Variants in ADAM7 observed in about 807,000 individuals in gnomAD.
ADAM7 encodes ADAM metallopeptidase domain 7, also known as disintegrin and metalloproteinase domain-containing protein 7.
Under a neutral mutation model 102.9 loss-of-function variants are expected in ADAM7, and 97 were observed. That is an observed-to-expected ratio of 0.94 (90% confidence interval 0.80 to 1.12). The LOEUF (loss-of-function observed/expected upper bound fraction) is 1.12, where lower values mean the gene tolerates loss of function less well. Ranked by LOEUF, ADAM7 falls within the 50% of genes most tolerant of loss-of-function variation. The pLI is 0.00. For missense variants in ADAM7, 991 were observed against 908.7 expected (o/e 1.09, Z -1.16); for synonymous variants, 334 against 304.4 (o/e 1.10, Z -1.01).
intron 20 of ADAM7, among the ~76,000 whole-genome samples, chr8:24,505,505 T>C (rs1355267492): frequency 1.3e-5 from 2 of 152,198 alleles, no homozygotes; most frequent in Non-Finnish European, 2.9e-5. Flanking sequence ...TTATAAACAA[T>C]AATGATTTAA....
chr8:24,498,437 A>G (rs1820633877), intron 16 of ADAM7, among the ~76,000 whole-genome samples: 1 of 151,560 alleles, frequency 6.6e-6, no homozygotes, highest in African/African-American at 2.4e-5. Flanking sequence ...ATTAGCATAT[A>G]TAGCTTTCAA....
At chr8:24,462,700 A>C (rs1178348897) in intron 3 of ADAM7, among the ~76,000 whole-genome samples, 1 of 152,216 alleles carries the variant, frequency 6.6e-6, no homozygotes, top group Non-Finnish European at 1.5e-5. Flanking sequence ...CCATAGGAGG[A>C]ATGAAATGCT....
chr8:24,450,723 G>C (rs1818750893), intron 3 of ADAM7, among the ~76,000 whole-genome samples: 2 of 151,290 alleles, frequency 1.3e-5, no homozygotes, highest in African/African-American at 4.9e-5. Flanking sequence ...TCCCTGTCTT[G>C]TGCCAGTTTT....
At chr8:24,442,700 G>T (rs1290601287) in intron 2 of ADAM7, 124 bp downstream of exon 2, 1 of 742,512 alleles carries the variant, frequency 1.3e-6, no homozygotes, top group African/African-American at 1.7e-5. Context: ...ACTCCCATTC[G>T]GCATACACCA....
At chr8:24,462,111 G>T (rs1819264345) in intron 3 of ADAM7, among the ~76,000 whole-genome samples, 1 of 152,188 alleles carries the variant, frequency 6.6e-6, no homozygotes, top group African/African-American at 2.4e-5. Flanking sequence ...TTCTGCTGAA[G>T]AGTTCTCATA....
intron 16 of ADAM7, among the ~76,000 whole-genome samples, chr8:24,498,268 TACTC>T (rs531727796): frequency 6.6e-6 from 1 of 151,870 alleles, no homozygotes; most frequent in East Asian, 1.9e-4. Flanking sequence ...GTATCTGATT[TACTC>T]AATCAAAAAC....
chr8:24,452,328 G>T (rs868480374), intron 3 of ADAM7, among the ~76,000 whole-genome samples: 6 of 149,572 alleles, frequency 4.0e-5, no homozygotes, highest in Non-Finnish European at 6.0e-5. Flanking sequence ...ACGAATCTGG[G>T]TGCTCCTGTA....
At chr8:24,487,957 C>T (rs1396129861) in intron 11 of ADAM7, among the ~76,000 whole-genome samples, 1 of 152,158 alleles carries the variant, frequency 6.6e-6, no homozygotes, top group Non-Finnish European at 1.5e-5. Context: ...TTTCTATAAG[C>T]TATAATGTCT....
intron 2 of ADAM7, among the ~76,000 whole-genome samples, chr8:24,446,622 C>T (rs1257751475): frequency 6.6e-6 from 1 of 151,674 alleles, no homozygotes; most frequent in Admixed American, 6.6e-5. Context: ...AAGACACATA[C>T]TATAAAAAAT....
At chr8:24,489,405 A>G (rs1365572633) in intron 12 of ADAM7, 72 bp downstream of exon 12, 5 of 1,418,778 alleles carry the variant, frequency 3.5e-6, no homozygotes, top group African/African-American at 1.4e-5. Flanking sequence ...GGATGTGGCC[A>G]TTAATCAAAC....
rs1820109180 is a variant in ADAM7, at chr8:24,485,460, A to G, written c.960+99A>G. 3.0e-6 allele frequency: 3 copies of G among 983,840 alleles called. No individual in the cohort carries two copies. In the African/African-American group the frequency reaches 5.0e-5, roughly 16 times the overall value. The allele number at this position is 983,840 out of a possible 1,614,324, so 60.9% of individuals were successfully genotyped here. A position where few individuals can be genotyped will look rare whatever the true frequency, so the allele number is the denominator to read the frequency against. Reference sequence around the variant, plus strand: ...AGAGACTATGTATGCATTTTGTCATATATACTCACTAAGATATGTCATGAA... The same window carrying G: ...AGAGACTATGTATGCATTTTGTCATGTATACTCACTAAGATATGTCATGAA... On this transcript the variant is annotated intron_variant, in intron 10 of 21. Transcript: ENST00000175238.
Position 24,441,039 on chromosome 8 carries a change from A to G in ADAM7, c.-70A>G. ...GTGAGGTGCTTCATCCCTGCAGTGG[A>G]AGTGAGGAGGAAGAAAGGTGAACTC... On this transcript the variant is annotated 5_prime_UTR_variant, in exon 1 of 22. Transcript: ENST00000175238. 2.1e-6 allele frequency: 3 copies of G among 1,420,594 alleles called. No homozygotes were observed. The highest frequency in any genetic ancestry group is 3.0e-6 in the Non-Finnish European group (3 of 1,005,126). 88.0% of individuals were successfully genotyped at this position (1,420,594 alleles called of 1,614,324 possible). A position where few individuals can be genotyped will look rare whatever the true frequency, so the allele number is the denominator to read the frequency against.
chr8:24,495,832 T>C (rs575224360), intron 16 of ADAM7, among the ~76,000 whole-genome samples: 1 of 152,184 alleles, frequency 6.6e-6, no homozygotes, highest in South Asian at 2.1e-4. Context: ...AAGCAGAGCA[T>C]AAAAGTTCAA....
intron 3 of ADAM7, among the ~76,000 whole-genome samples, chr8:24,462,310 C>T (rs181321688): frequency 1.3e-5 from 2 of 152,162 alleles, no homozygotes; most frequent in African/African-American, 4.8e-5. Context: ...AGGATTCTCC[C>T]CGCTCTCTCA....
intron 3 of ADAM7, among the ~76,000 whole-genome samples, chr8:24,447,972 AC>A (rs1307088645): frequency 1.3e-5 from 2 of 150,538 alleles, no homozygotes; most frequent in African/African-American, 4.9e-5. Context: ...ACACACACAC[AC>A]ACACACACAC....
chr8:24,489,121 T>A (rs747912944), intron 11 of ADAM7, 38 bp from the exon 12 acceptor site: 5 of 1,562,994 alleles, frequency 3.2e-6, no homozygotes, highest in South Asian at 1.2e-5. Context: ...TATGCATTGA[T>A]ATGATTAATC....
intron 16 of ADAM7, among the ~76,000 whole-genome samples, chr8:24,496,875 A>G (rs1393443703): frequency 6.6e-6 from 1 of 152,208 alleles, no homozygotes; most frequent in African/African-American, 2.4e-5. Context: ...TTAATGCTGA[A>G]ATGAGTTAAG....
At chr8:24,442,138 C>A (rs992928447) in intron 1 of ADAM7, among the ~76,000 whole-genome samples, 1 of 151,012 alleles carries the variant, frequency 6.6e-6, no homozygotes, top group Admixed American at 6.6e-5. Context: ...CACGCCACTA[C>A]ACTCCAGCCT....
chr8:24,488,820 C>T (rs1320997081), intron 11 of ADAM7, among the ~76,000 whole-genome samples: 1 of 151,746 alleles, frequency 6.6e-6, no homozygotes, highest in Non-Finnish European at 1.5e-5. Flanking sequence ...CTTTGAGATG[C>T]TTGTAATCTA....
Sources: allele counts gnomAD v4.1 joint callset (sites outside exome capture counted in the v4.1 genomes callset), GRCh38; gene constraint gnomAD v4.1.1; transcripts MANE v1.5; gene names NCBI Gene and HGNC (gene_info 2026-07-23, HGNC 2026-07-21).